Variants in WDR46 observed in about 807,000 individuals in gnomAD.
The protein encoded by WDR46 is WD repeat domain 46.
Under a neutral mutation model 74.7 loss-of-function variants are expected in WDR46, and 58 were observed. The observed-to-expected ratio is 0.78, with a 90% CI of 0.63 to 0.97. The LOEUF is 0.97. Among genes scored for constraint, WDR46 ranks in the 50% least tolerant of loss-of-function variants. The probability of loss-of-function intolerance (pLI) is 0.00; values close to 1 mark genes in which losing one functional copy is unlikely to be tolerated. For missense variants in WDR46, 702 were observed against 790.1 expected (o/e 0.89, Z 1.34); for synonymous variants, 278 against 297.3 (o/e 0.93, Z 0.67).
At chr6:33,280,316 G>A (rs1239584511) in intron 12 of WDR46, 112 bp downstream of exon 12, 12 of 1,130,020 alleles carry the variant, frequency 1.1e-5, no homozygotes, top group South Asian at 2.8e-5. Flanking sequence ...CTCCAGCAGG[G>A]GGGAACCTGA....
chr6:33,281,480 C>A (rs1018221641), intron 10 of WDR46, among the ~76,000 whole-genome samples: 10 of 152,150 alleles, frequency 6.6e-5, no homozygotes, highest in Non-Finnish European at 1.3e-4. Context: ...AGATACACAG[C>A]AGGTTCAAAT....
At chr6:33,280,321 A>C in intron 12 of WDR46, 107 bp downstream of exon 12, 1 of 1,185,684 alleles carries the variant, frequency 8.4e-7, no homozygotes, top group Non-Finnish European at 1.2e-6. Flanking sequence ...GCAGGGGGGA[A>C]CCTGACCTTC....
chr6:33,287,741 A>G (rs1766799068), intron 6 of WDR46, 23 bp from the exon 7 acceptor site: 2 of 1,612,088 alleles, frequency 1.2e-6, no homozygotes, highest in African/African-American at 1.3e-5. Context: ...AGGGGCAGGC[A>G]GGGTGTTAAG....
At chr6:33,283,839 A>G (rs1766393079) in intron 10 of WDR46, among the ~76,000 whole-genome samples, 1 of 152,126 alleles carries the variant, frequency 6.6e-6, no homozygotes, top group Non-Finnish European at 1.5e-5. Context: ...CGGAGGTTGT[A>G]ATGAACCGAG....
intron 12 of WDR46, among the ~76,000 whole-genome samples, chr6:33,280,189 GA>G (rs1766016364): frequency 6.7e-6 from 1 of 149,118 alleles, no homozygotes; most frequent in African/African-American, 2.5e-5. Flanking sequence ...CTCTCCAGCA[GA>G]GGGAAACCTG....
chr6:33,279,753 C>T lies in WDR46; in HGVS notation c.1620+11G>A. 3.7e-6 allele frequency: 6 copies of T among 1,613,970 alleles called. No homozygotes were observed. Among genetic ancestry groups the T allele is most frequent in the African/African-American group, 1.3e-5 (1 of 75,032 alleles). Reference sequence around the variant, plus strand: ...AAGACGGGCCTGGGCATTCAGGGGCCTGCTCCATACCAGCCTCTCTATCTG... The same window carrying T: ...AAGACGGGCCTGGGCATTCAGGGGCTTGCTCCATACCAGCCTCTCTATCTG... On this transcript the variant is annotated intron_variant, in intron 13 of 14. Coordinates refer to ENST00000374617, the MANE Select transcript of WDR46 (RefSeq NM_005452.6).
Position 33,289,093 on chromosome 6 carries a change from G to A in WDR46, c.69+9C>T. 6.2e-7 allele frequency: 1 copy of A among 1,612,456 alleles called. No homozygotes were observed. Among genetic ancestry groups the A allele is most frequent in the South Asian group, 1.1e-5 (1 of 91,006 alleles). ...AAAAACTTCGTTTCCCACCCAGGGA[G>A]GCCTCTACCTTTCTCTTGGTCTGAA... On this transcript the variant is annotated intron_variant, in intron 1 of 14. Transcript: ENST00000374617.
rs139685455 is a variant in WDR46, at chr6:33,280,770, G to T, written c.1333C>A (p.Arg445=). The T allele has an allele frequency of 1.9e-5, 30 of 1,614,026 alleles. No homozygotes were observed. The African/African-American group carries it at 3.2e-4, about 17-fold the overall frequency. ...AGGCCATGCACAGGGCCTGAGAGCC[G>T]GTGGGTGAGGTAGGGCTGTTCAAGG... is the stretch of plus-strand genomic sequence containing the variant. ...PSLEQPYLTH[R]LSGPVHGLQF... The change falls in exon 11 of 15, where the codon CGG becomes AGG. Residue 445 remains arginine, a synonymous_variant. Transcript: ENST00000374617.
In WDR46 at chr6:33,288,018, G is replaced by T. The variant is rs1562634000; in HGVS notation, c.570C>A (p.Asp190Glu). The change falls in exon 6 of 15, where the codon GAC (aspartate) becomes GAA (glutamate). Residue 190 changes from aspartate (D) to glutamate (E), a missense_variant. Coordinates refer to ENST00000374617, the MANE Select transcript of WDR46 (RefSeq NM_005452.6). ...VDIASAAKHF[D>E]LNLRQFGPYR... ...AGGGTCCAAACTGCCGCAGATTCAAGTCAAAGTGCTGGGAAAGAGAAGAGT... is the reference window on the plus strand; with the variant it reads ...AGGGTCCAAACTGCCGCAGATTCAATTCAAAGTGCTGGGAAAGAGAAGAGT... 6 of 1,614,146 alleles carry T rather than the reference G, an allele frequency of 3.7e-6. No individual in the cohort carries two copies. The highest frequency in any genetic ancestry group is 5.1e-6 in the Non-Finnish European group (6 of 1,180,034).
In WDR46 at chr6:33,279,874, G is replaced by C. The variant is rs929208235; in HGVS notation, c.1525-15C>G. The C allele has an allele frequency of 1.9e-6, 3 of 1,613,402 alleles. No homozygotes were observed. Among genetic ancestry groups the C allele is most frequent in the African/African-American group, 2.7e-5 (2 of 74,872 alleles). On this transcript the variant is annotated splice_polypyrimidine_tract_variant and intron_variant, in intron 12 of 14. Coordinates refer to ENST00000374617, the MANE Select transcript of WDR46 (RefSeq NM_005452.6). ...TCTGCAGGTACCTGGGGGTGTCACA[G>C]AGGGACAGGACTCAGCAAGGAGCCA... is the stretch of plus-strand genomic sequence containing the variant.
intron 9 of WDR46, 40 bp downstream of exon 9, chr6:33,287,051 A>C: frequency 6.2e-7 from 1 of 1,600,170 alleles, no homozygotes; most frequent in Non-Finnish European, 8.5e-7. Flanking sequence ...AAGAAAAGCA[A>C]GTCAGGATGG....
Position 33,288,910 on chromosome 6 carries a change from G to A in WDR46, c.173C>T (p.Pro58Leu), listed in dbSNP as rs1766987916. ...CTTCTTTAAGATGTAAGCATTTTTT[G>A]GTCTCTGAGGACGGAGCTCCCGATT... ...KKNRELRPQR[P>L]KNAYILKKSR... is the part of the protein sequence containing the mutation. The change falls in exon 2 of 15, where the codon CCA (proline) becomes CTA (leucine). Residue 58 changes from proline to leucine, a missense_variant. Pro to Leu is a moderately conservative substitution (Grantham distance 98). Transcript: ENST00000374617. 6.2e-7 allele frequency: 1 copy of A among 1,613,688 alleles called. No homozygotes were observed. Among genetic ancestry groups the A allele is most frequent in the Non-Finnish European group, 8.5e-7 (1 of 1,179,968 alleles).
chr6:33,279,146 C>A lies in WDR46; in HGVS notation c.*130G>T. ...TTTCCTCTTTAATACCAACCCACCC[C>A]AGGAGACAGCTGTCCACCCCCAGTT... On this transcript the variant is annotated 3_prime_UTR_variant, in exon 15 of 15. Transcript: ENST00000374617. The A allele has an allele frequency of 7.5e-7, 1 of 1,335,572 alleles. No homozygotes were observed. Among genetic ancestry groups the A allele is most frequent in the South Asian group, 1.3e-5 (1 of 74,352 alleles). The allele number at this position is 1,335,572 out of a possible 1,614,324, so 82.7% of individuals were successfully genotyped here. A position where few individuals can be genotyped will look rare whatever the true frequency, so the allele number is the denominator to read the frequency against.
In WDR46 at chr6:33,286,904, A is replaced by C; in HGVS notation, c.1016-10T>G. ...CATAAAGACACAGTACCTGGAAGAG[A>C]AGAAGAACCAAAGTTGCTAATACAC... On this transcript the variant is annotated splice_polypyrimidine_tract_variant and intron_variant, in intron 9 of 14. Transcript: ENST00000374617. 6.2e-7 allele frequency: 1 copy of C among 1,613,824 alleles called. No individual in the cohort carries two copies. The highest frequency in any genetic ancestry group is 1.3e-5 in the African/African-American group (1 of 74,994).
At chr6:33,288,727 C>T in intron 2 of WDR46, 33 bp from the exon 3 acceptor site, 3 of 1,613,198 alleles carry the variant, frequency 1.9e-6, no homozygotes, top group Middle Eastern at 1.7e-4. Flanking sequence ...TAGCAGACAG[C>T]CTTGGATTGA....
intron 4 of WDR46, 58 bp from the exon 5 acceptor site, chr6:33,288,293 C>T (rs904615328): frequency 6.2e-7 from 1 of 1,613,688 alleles, no homozygotes; most frequent in Non-Finnish European, 8.5e-7. Flanking sequence ...AGTATACCAA[C>T]ATAAAAACGA....
In WDR46 at chr6:33,279,384, G is replaced by A. The variant is rs752631610; in HGVS notation, c.1735-10C>T. 18 of 1,613,256 alleles carry A rather than the reference G, an allele frequency of 1.1e-5. No individual in the cohort carries two copies. The highest frequency in any genetic ancestry group is 1.6e-4 in the Middle Eastern group (1 of 6,084). On this transcript the variant is annotated splice_polypyrimidine_tract_variant and intron_variant, in intron 14 of 14. Coordinates refer to ENST00000374617, the MANE Select transcript of WDR46 (RefSeq NM_005452.6). ...TCTGCCGGACCTTGTCCTGGGGACC[G>A]GAGACGGGGAGGACACAGGCACAGA...
Position 33,279,340 on chromosome 6 carries a change from T to C in WDR46, c.1769A>G (p.His590Arg), listed in dbSNP as rs1250618776. Residue 590 changes from histidine (H) to arginine (R), a missense_variant, in exon 15 of 15, where the codon CAT (histidine) becomes CGT (arginine). Physicochemically the swap from His to Arg is conservative, Grantham distance 29. Transcript: ENST00000374617. ...CGTGGGCTTGGCCTTCGCCTCCTTATGATGCTGCTGCTGAAGGCTCTGCCG... is the reference window on the plus strand; with the variant it reads ...CGTGGGCTTGGCCTTCGCCTCCTTACGATGCTGCTGCTGAAGGCTCTGCCG... Reference protein sequence around the residue: ...KVRQSLQQQHHKEAKAKPTGA... With the variant: ...KVRQSLQQQHRKEAKAKPTGA... 1 of 1,614,204 alleles carries C rather than the reference T, an allele frequency of 6.2e-7. No individual in the cohort carries two copies. Among genetic ancestry groups the C allele is most frequent in the Non-Finnish European group, 8.5e-7 (1 of 1,180,032 alleles).
At chr6:33,283,253 G>A (rs912490216) in intron 10 of WDR46, among the ~76,000 whole-genome samples, 1 of 151,868 alleles carries the variant, frequency 6.6e-6, no homozygotes, top group African/African-American at 2.4e-5. Flanking sequence ...GCGGGTGGTG[G>A]GGGGGGTGGT....
Sources: allele counts gnomAD v4.1 joint callset (sites outside exome capture counted in the v4.1 genomes callset), GRCh38; gene constraint gnomAD v4.1.1; transcripts MANE v1.5; gene names NCBI Gene and HGNC (gene_info 2026-07-23, HGNC 2026-07-21).